PADI3: variants seen among roughly 807,000 people sequenced by gnomAD.
PADI3 encodes peptidyl arginine deiminase 3.
Under a neutral mutation model 71.5 loss-of-function variants are expected in PADI3, and 53 were observed. That is an observed-to-expected ratio of 0.74 (90% confidence interval 0.59 to 0.93). The LOEUF (loss-of-function observed/expected upper bound fraction) is 0.93. PADI3 is among the 40% of genes least tolerant of loss of function. PADI3 has a pLI of 0.00. For synonymous variants in PADI3, 361 were observed against 347.5 expected (o/e 1.04, Z -0.43); for missense variants, 821 against 868.0 (o/e 0.95, Z 0.68).
At position 17,282,912 on chromosome 1, in the gene PADI3, T is replaced by C. The variant is rs2073418070; in HGVS notation, c.1828T>C (p.Cys610Arg). Residue 610 changes from cysteine to arginine, a missense_variant, in exon 16 of 16, where the codon TGC becomes CGC. Transcript: ENST00000375460. ...GCCCTTTGGGCCCATCATCAATGGC[T>C]GCTGCTGCCTGGAGGAGAAGGTGCG... ...PKPFGPIING[C>R]CCLEEKVRSL... is the part of the protein sequence containing the mutation. The C allele has an allele frequency of 6.2e-7, 1 of 1,614,152 alleles. No homozygotes were observed. The highest frequency in any genetic ancestry group is 1.1e-5 in the South Asian group (1 of 91,086).
intron 12 of PADI3, 47 bp from the exon 13 acceptor site, chr1:17,276,727 G>A (rs764558882): frequency 1.9e-5 from 30 of 1,613,366 alleles, no homozygotes; most frequent in Non-Finnish European, 2.1e-5. Flanking sequence ...GCTCCAGGGC[G>A]CCATGCCAAG....
At chr1:17,275,847 G>A (rs1304977144) in intron 11 of PADI3, among the ~76,000 whole-genome samples, 1 of 152,214 alleles carries the variant, frequency 6.6e-6, no homozygotes, top group Non-Finnish European at 1.5e-5. Flanking sequence ...GAGGAAGCTG[G>A]ACCATGCCCT....
intron 9 of PADI3, among the ~76,000 whole-genome samples, chr1:17,273,112 C>A (rs562460012): frequency 1.3e-5 from 2 of 152,318 alleles, no homozygotes; most frequent in Admixed American, 6.5e-5. Context: ...TCACCTCCGG[C>A]CTCTGTCTTG....
In PADI3 at chr1:17,270,322, C is replaced by T. The variant is rs145296609; in HGVS notation, c.742C>T (p.Arg248Cys). 10,659 of 1,613,882 alleles carry T rather than the reference C, an allele frequency of 6.6e-3. 52 individuals are homozygous for T. The highest frequency in any genetic ancestry group is 8.0e-3 in the Non-Finnish European group (9,391 of 1,179,966). The stretch of plus-strand genomic sequence containing the variant: ...ACCCCGCTTGCATGGGGATGAGGAG[C>T]GCTTCTTCGTGGAAGGCCTGTCCTT... ...EVPRLHGDEERFFVEGLSFPD... is the reference protein window; with the variant it reads ...EVPRLHGDEECFFVEGLSFPD... Residue 248 changes from arginine (R) to cysteine (C), a missense_variant, in exon 7 of 16, where the codon CGC (arginine) becomes TGC (cysteine). Arg to Cys is a radical substitution (Grantham distance 180). Transcript: ENST00000375460.
intron 15 of PADI3, among the ~76,000 whole-genome samples, chr1:17,281,638 A>G (rs548518422): frequency 6.6e-6 from 1 of 152,132 alleles, no homozygotes; most frequent in Admixed American, 6.5e-5. Flanking sequence ...TTTTTAGTAG[A>G]GATGGAGTTT....
In PADI3 at chr1:17,274,765, T is replaced by G; in HGVS notation, c.1286T>G (p.Leu429Arg). The change falls in exon 11 of 16, where the codon CTC becomes CGC. Residue 429 changes from leucine to arginine, a missense_variant. Transcript: ENST00000375460. ...AAAGAGTACCCCCTGGGGAGGATCC[T>G]CATTGGGGGCAACCTGCCTGGGTGA... ...NGKEYPLGRI[L>R]IGGNLPGSSG... The G allele has an allele frequency of 6.2e-7, 1 of 1,613,720 alleles. No homozygotes were observed. Among genetic ancestry groups the G allele is most frequent in the Non-Finnish European group, 8.5e-7 (1 of 1,179,788 alleles).
intron 1 of PADI3, among the ~76,000 whole-genome samples, chr1:17,249,822 G>A (rs778796480): frequency 1.1e-4 from 17 of 152,150 alleles, no homozygotes; most frequent in Non-Finnish European, 1.9e-4. Flanking sequence ...AGGCAGAGAG[G>A]GCAAGCCATT....
At position 17,261,767 on chromosome 1, in the gene PADI3, G is replaced by A. The variant is rs560520536; in HGVS notation, c.274-366G>A. Among the ~76,000 whole-genome samples, 22 of 152,364 alleles carry A rather than the reference G, an allele frequency of 1.4e-4. No homozygotes were observed. In the East Asian group the frequency reaches 3.9e-3, roughly 27 times the overall value. ...ACCCAGAGGTGCCGGGCTCAAGCCC[G>A]GGCCTGTCTGAGTCCCACAGACAAG... On this transcript the variant is annotated intron_variant, in intron 2 of 15. Coordinates refer to ENST00000375460, the MANE Select transcript of PADI3 (RefSeq NM_016233.2).
At position 17,283,334 on chromosome 1, in the gene PADI3, T is replaced by A; in HGVS notation, c.*255T>A. The stretch of plus-strand genomic sequence containing the variant: ...CATTTCTTATAGCCTCTCCTGTGAT[T>A]CAACACAACCCATGGAGATGTCCCC... On this transcript the variant is annotated 3_prime_UTR_variant, in exon 16 of 16. Coordinates refer to ENST00000375460, the MANE Select transcript of PADI3 (RefSeq NM_016233.2). The A allele has an allele frequency of 2.1e-6, 1 of 472,412 alleles. No individual in the cohort carries two copies. The highest frequency in any genetic ancestry group is 2.7e-5 in the South Asian group (1 of 36,500). The allele number at this position is 472,412 out of a possible 1,614,324, so 29.3% of individuals were successfully genotyped here.
At position 17,282,986 on chromosome 1, in the gene PADI3, C is replaced by T. The variant is rs2073419561; in HGVS notation, c.1902C>T (p.Phe634=). 4.3e-6 allele frequency: 7 copies of T among 1,614,076 alleles called. No homozygotes were observed. Among genetic ancestry groups the T allele is most frequent in the Non-Finnish European group, 5.9e-6 (7 of 1,180,024 alleles). Residue 634 remains phenylalanine, a synonymous_variant, in exon 16 of 16, where the codon TTC becomes TTT. Transcript: ENST00000375460. ...LGLHCTFIDD[F]TPYHMLHGEV... The stretch of plus-strand genomic sequence containing the variant: ...TCCACTGCACCTTCATTGATGACTT[C>T]ACTCCATACCACATGCTGCATGGGG...
chr1:17,279,605 T>C (rs2073376349), intron 13 of PADI3, among the ~76,000 whole-genome samples: 1 of 152,204 alleles, frequency 6.6e-6, no homozygotes, highest in Non-Finnish European at 1.5e-5. Flanking sequence ...CCTACCTGTG[T>C]GACCTTTGGC....
intron 15 of PADI3, among the ~76,000 whole-genome samples, chr1:17,281,662 A>G (rs1256278284): frequency 6.6e-6 from 1 of 152,192 alleles, no homozygotes; most frequent in Non-Finnish European, 1.5e-5. Flanking sequence ...CATGTTGGCC[A>G]GGCTGGTCTT....
At chr1:17,274,917 G>A (rs150006904) in intron 11 of PADI3, 131 bp downstream of exon 11, 172 of 965,344 alleles carry the variant, frequency 1.8e-4, no homozygotes, top group East Asian at 1.8e-3. Flanking sequence ...TTATACTCCC[G>A]GATGTGCTGG....
Position 17,283,058 on chromosome 1 carries a change from G to C in PADI3, c.1974G>C (p.Lys658Asn), listed in dbSNP as rs780139354. 1 of 1,614,144 alleles carries C rather than the reference G, an allele frequency of 6.2e-7. No individual in the cohort carries two copies. Among genetic ancestry groups the C allele is most frequent in the Non-Finnish European group, 8.5e-7 (1 of 1,179,960 alleles). Residue 658 changes from lysine to asparagine, a missense_variant, in exon 16 of 16, where the codon AAG becomes AAC. Coordinates refer to ENST00000375460, the MANE Select transcript of PADI3 (RefSeq NM_016233.2). ...TNVCRKPFSF[K>N]WWNMVP ...TGTGCAGAAAGCCCTTCTCTTTCAA[G>C]TGGTGGAACATGGTGCCCTGAGACA...
chr1:17,249,239 A>G lies in PADI3; in HGVS notation c.92+10A>G, dbSNP rs938219375. ...TCGTGGACATTTATGGGTAAGAGTCAGAGGCCTAGTGGTTTGCAGGCCCTT... is the reference window on the plus strand; with the variant it reads ...TCGTGGACATTTATGGGTAAGAGTCGGAGGCCTAGTGGTTTGCAGGCCCTT... On this transcript the variant is annotated intron_variant, in intron 1 of 15. Transcript: ENST00000375460. 6.2e-7 allele frequency: 1 copy of G among 1,607,932 alleles called. No homozygotes were observed. The highest frequency in any genetic ancestry group is 1.3e-5 in the African/African-American group (1 of 74,820).
At chr1:17,275,064 T>C (rs977777706) in intron 11 of PADI3, among the ~76,000 whole-genome samples, 2 of 152,074 alleles carry the variant, frequency 1.3e-5, no homozygotes, top group Non-Finnish European at 2.9e-5. Context: ...GTGAGTCACA[T>C]AGAAAGCAAA....
At chr1:17,261,351 T>C (rs1234163837) in intron 2 of PADI3, among the ~76,000 whole-genome samples, 1 of 152,244 alleles carries the variant, frequency 6.6e-6, no homozygotes, top group Non-Finnish European at 1.5e-5. Context: ...ATGACTCCTT[T>C]CATCTTCACA....
chr1:17,267,246 T>C (rs2073182325), intron 5 of PADI3, among the ~76,000 whole-genome samples: 1 of 152,190 alleles, frequency 6.6e-6, no homozygotes, highest in Admixed American at 6.5e-5. Flanking sequence ...CTGAAGACTG[T>C]GTCTGATCTG....
intron 11 of PADI3, among the ~76,000 whole-genome samples, chr1:17,276,209 C>T (rs138274444): frequency 0.017 from 2,540 of 152,118 alleles, 68 homozygotes; most frequent in African/African-American, 0.057. Flanking sequence ...TGGTGGTGCA[C>T]GCCTGTAATC....
Sources: gnomAD v4.1 joint callset for allele counts (sites outside exome capture counted in the v4.1 genomes callset) on GRCh38, gnomAD v4.1.1 for gene constraint, MANE v1.5 for transcripts, NCBI Gene and HGNC (gene_info 2026-07-23, HGNC 2026-07-21) for gene names.